The following FAM228B variants were observed in gnomAD, a reference collection of about 807,000 sequenced individuals.
FAM228B encodes the protein protein FAM228B.
A neutral mutation model predicts 42.6 loss-of-function variants in FAM228B; 38 were observed. The observed-to-expected ratio is 0.89, with a 90% confidence interval of 0.69 to 1.17. The LOEUF is 1.17. FAM228B is among the 50% of genes most tolerant of loss of function. The pLI, the probability that FAM228B is intolerant of heterozygous loss-of-function variation, is 0.00. For synonymous variants in FAM228B, 109 were observed against 122.3 expected, an observed-to-expected ratio of 0.89 and a Z score of 0.72; for missense variants, 344 against 367.3, an observed-to-expected ratio of 0.94 and a Z score of 0.52.
At chr2:24,100,426 A>T (rs1199530882) in intron 3 of FAM228B, among the ~76,000 whole-genome samples, 3 of 152,230 alleles carry the variant, frequency 2.0e-5, no homozygotes, top group Non-Finnish European at 4.4e-5. Context: ...TTACAAGAAA[A>T]AAAATCCCAT....
intron 2 of FAM228B, chr2:24,085,135 T>G (rs1425519238): frequency 6.6e-6 from 1 of 152,108 alleles, no homozygotes; most frequent in East Asian, 1.9e-4. Flanking sequence ...TTGGCACATT[T>G]ATGTAACAGG....
intron 2 of FAM228B, among the ~76,000 whole-genome samples, chr2:24,126,373 CAA>C (rs1333843971): frequency 6.6e-6 from 1 of 152,178 alleles, no homozygotes; most frequent in Non-Finnish European, 1.5e-5. Context: ...CTTTTTAACT[CAA>C]GACATTTTAA....
At chr2:24,153,321 C>A (rs1332577225) in intron 7 of FAM228B, among the ~76,000 whole-genome samples, 1 of 152,218 alleles carries the variant, frequency 6.6e-6, no homozygotes, top group African/African-American at 2.4e-5. Context: ...GAAGCCAGCA[C>A]ATCTCAGAAT....
chr2:24,159,495 G>A (rs1016323840), intron 7 of FAM228B, among the ~76,000 whole-genome samples: 2 of 152,164 alleles, frequency 1.3e-5, no homozygotes, highest in African/African-American at 4.8e-5. Flanking sequence ...ACAGTTTCTT[G>A]GGATTTAAAT....
At chr2:24,139,920 C>T (rs1461837969) in intron 5 of FAM228B, among the ~76,000 whole-genome samples, 1 of 152,100 alleles carries the variant, frequency 6.6e-6, no homozygotes, top group Non-Finnish European at 1.5e-5. Context: ...TAATGAGCTT[C>T]CCCTCCCTCA....
chr2:24,126,838 A>T (rs1666321382), intron 2 of FAM228B, among the ~76,000 whole-genome samples: 1 of 151,974 alleles, frequency 6.6e-6, no homozygotes, highest in Non-Finnish European at 1.5e-5. Context: ...GTTAGCCAGG[A>T]TGGTCTCGAT....
At chr2:24,146,859 T>G in intron 6 of FAM228B, 24 bp downstream of exon 6, 1 of 1,536,870 alleles carries the variant, frequency 6.5e-7, no homozygotes, top group Non-Finnish European at 8.8e-7. Context: ...AATTGTTATG[T>G]GATTTCATAG....
At chr2:24,155,811 A>G (rs1371922262) in intron 7 of FAM228B, among the ~76,000 whole-genome samples, 1 of 152,074 alleles carries the variant, frequency 6.6e-6, no homozygotes, top group African/African-American at 2.4e-5. Flanking sequence ...AAGTGCTGGG[A>G]TTACAGGCGT....
chr2:24,144,492 G>A (rs531920652), intron 5 of FAM228B, among the ~76,000 whole-genome samples: 3 of 152,158 alleles, frequency 2.0e-5, no homozygotes, highest in African/African-American at 4.8e-5. Context: ...CCAAAATAGC[G>A]AGTAGAAAAT....
In FAM228B at chr2:24,111,501, A is replaced by C. The variant is rs191150807; in HGVS notation, c.-121+16272A>C. 1.2e-4 allele frequency among the ~76,000 whole-genome samples: 19 copies of C among 152,264 alleles called. No individual in the cohort carries two copies. In the East Asian group the frequency reaches 1.5e-3, roughly 12 times the overall value. On this transcript the variant is annotated intron_variant, in intron 3 of 10. Transcript: ENST00000613899. Reference sequence around the variant, plus strand: ...TGTTTTGATGACACAGCCTAATTTTAGCCTGAAGTATTGATAGCTCAGTCT... The same window carrying C: ...TGTTTTGATGACACAGCCTAATTTTCGCCTGAAGTATTGATAGCTCAGTCT...
At chr2:24,138,203 A>G (rs941829829) in intron 4 of FAM228B, 103 bp downstream of exon 4, 25 of 837,824 alleles carry the variant, frequency 3.0e-5, no homozygotes, top group Non-Finnish European at 4.7e-5. Flanking sequence ...CCCTCTACAT[A>G]TGTATCATCT....
chr2:24,114,263 A>G (rs1665848594), intron 3 of FAM228B, among the ~76,000 whole-genome samples: 1 of 152,198 alleles, frequency 6.6e-6, no homozygotes, highest in African/African-American at 2.4e-5. Flanking sequence ...GGGGACAAAA[A>G]GAACATGAAA....
intron 8 of FAM228B, among the ~76,000 whole-genome samples, chr2:24,163,919 G>A (rs1019958669): frequency 9.9e-5 from 15 of 152,118 alleles, no homozygotes; most frequent in Admixed American, 2.6e-4. Context: ...CCTTCTCAGG[G>A]AGGGCAAACT....
At chr2:24,148,519 G>A (rs188577064) in intron 7 of FAM228B, among the ~76,000 whole-genome samples, 3 of 152,256 alleles carry the variant, frequency 2.0e-5, no homozygotes, top group South Asian at 2.1e-4. Flanking sequence ...GTCTTCCAAC[G>A]ACAGCAAGAT....
intron 5 of FAM228B, among the ~76,000 whole-genome samples, chr2:24,143,394 T>C (rs57704315): frequency 0.28 from 43,238 of 151,972 alleles, 6,927 homozygotes; most frequent in East Asian, 0.61. Flanking sequence ...TGGGGTTTCA[T>C]CGTGTTAGCC....
chr2:24,137,600 C>G (rs1653768685), intron 3 of FAM228B, among the ~76,000 whole-genome samples: 1 of 152,186 alleles, frequency 6.6e-6, no homozygotes, highest in African/African-American at 2.4e-5. Context: ...TCAAGTGATT[C>G]TCTAGCTTCA....
intron 7 of FAM228B, among the ~76,000 whole-genome samples, chr2:24,152,423 G>A (rs1433173216): frequency 6.6e-6 from 1 of 152,208 alleles, no homozygotes; most frequent in Non-Finnish European, 1.5e-5. Flanking sequence ...TGAAGAGTTA[G>A]GTAATGTAGT....
At chr2:24,152,018 G>A (rs1667035867) in intron 7 of FAM228B, among the ~76,000 whole-genome samples, 1 of 151,884 alleles carries the variant, frequency 6.6e-6, no homozygotes. Flanking sequence ...ACAGATGTGT[G>A]CCACCATGCC....
chr2:24,128,456 A>C lies in FAM228B; in HGVS notation c.99+3996A>C, dbSNP rs528355400. On this transcript the variant is annotated intron_variant, in intron 2 of 10. Transcript: ENST00000615575. ...AGTCTTCTAGCTTCCCTAACTTATG[A>C]ACTACAGGAATAATAACTTTTAATG... Among the ~76,000 whole-genome samples the C allele has an allele frequency of 1.0e-3, 155 of 152,256 alleles. 1 individual carries two copies. Among genetic ancestry groups the C allele is most frequent in the African/African-American group, 3.6e-3 (151 of 41,534 alleles).
Sources: gnomAD v4.1 joint callset for allele counts (sites outside exome capture counted in the v4.1 genomes callset) on GRCh38, gnomAD v4.1.1 for gene constraint, MANE v1.5 for transcripts, NCBI Gene and HGNC (gene_info 2026-07-23, HGNC 2026-07-21) for gene names.